SOX6: variants seen among roughly 807,000 people sequenced by gnomAD.
SOX6 encodes the protein SRY-box transcription factor 6, also known as transcription factor SOX-6.
Under a neutral mutation model 97.8 loss-of-function variants are expected in SOX6, and 11 were observed. That is an observed-to-expected ratio of 0.11 (90% confidence interval 0.07 to 0.19). SOX6 has a LOEUF of 0.19. Ranked by LOEUF, SOX6 falls within the 10% of genes least tolerant of loss-of-function variation. The pLI is 1.00. For synonymous variants in SOX6, 360 were observed against 371.4 expected (o/e 0.97, Z 0.35); for missense variants, 810 against 1,039.5 (o/e 0.78, Z 3.04).
chr11:16,407,222 A>C (rs1858705046), intron 1 of SOX6, among the ~76,000 whole-genome samples: 1 of 152,242 alleles, frequency 6.6e-6, no homozygotes, highest in Non-Finnish European at 1.5e-5. Context: ...ACAGTATTTC[A>C]CACCCCTTTA....
At chr11:16,067,897 A>G (rs574799364) in intron 9 of SOX6, among the ~76,000 whole-genome samples, 1 of 152,314 alleles carries the variant, frequency 6.6e-6, no homozygotes, top group South Asian at 2.1e-4. Flanking sequence ...GGAAGAAAAA[A>G]AATTACTATT....
chr11:16,226,356 T>C (rs552097154), intron 4 of SOX6, among the ~76,000 whole-genome samples: 2 of 151,174 alleles, frequency 1.3e-5, no homozygotes, highest in Non-Finnish European at 2.9e-5. Flanking sequence ...TTCTCTCTTA[T>C]CTTCTGTGTG....
intron 4 of SOX6, among the ~76,000 whole-genome samples, chr11:16,499,605 C>T (rs1860666644): frequency 6.6e-6 from 1 of 152,000 alleles, no homozygotes; most frequent in South Asian, 2.1e-4. Flanking sequence ...CAAATAGACG[C>T]AATAAAAAAC....
In SOX6 at chr11:15,989,167, C is replaced by A. The variant is rs765032831; in HGVS notation, c.1796G>T (p.Gly599Val). The A allele has an allele frequency of 3.1e-6, 5 of 1,614,114 alleles. No individual in the cohort carries two copies. Residue 599 changes from glycine to valine, a missense_variant, in exon 14 of 16, where the codon GGT becomes GTT. By Grantham distance (109) the Gly-to-Val change is moderately radical. Transcript: ENST00000683767. ...GACTCGTGCTTCAGCCACAGTGGCA[C>A]CTCCTGTTGGCCAACAATAATACTG... ...LQQYYCWPTG[G>V]ATVAEARVYR...
intron 12 of SOX6, among the ~76,000 whole-genome samples, chr11:16,026,746 C>T (rs1215798693): frequency 6.6e-6 from 1 of 151,970 alleles, no homozygotes; most frequent in East Asian, 1.9e-4. Context: ...ACAAAAATAA[C>T]CCAGGACTAT....
intron 4 of SOX6, among the ~76,000 whole-genome samples, chr11:16,193,347 G>T (rs1323440798): frequency 6.6e-6 from 1 of 151,952 alleles, no homozygotes; most frequent in African/African-American, 2.4e-5. Context: ...ACCCCAGTCT[G>T]GGCGACAGGG....
chr11:16,242,865 T>A (rs1238131773), intron 3 of SOX6, among the ~76,000 whole-genome samples: 1 of 151,940 alleles, frequency 6.6e-6, no homozygotes, highest in African/African-American at 2.4e-5. Flanking sequence ...CTCAATTTGG[T>A]TTTAAGGACC....
intron 3 of SOX6, among the ~76,000 whole-genome samples, chr11:16,309,167 A>C (rs1855524924): frequency 6.6e-6 from 1 of 152,246 alleles, no homozygotes; most frequent in South Asian, 2.1e-4. Context: ...CTCCTGGGGA[A>C]ATGCCCTAGA....
intron 3 of SOX6, among the ~76,000 whole-genome samples, chr11:16,620,826 C>T (rs1156492000): frequency 6.6e-6 from 1 of 152,096 alleles, no homozygotes; most frequent in African/African-American, 2.4e-5. Context: ...ACAGGGCCTG[C>T]TCTTTTTTAA....
intron 6 of SOX6, among the ~76,000 whole-genome samples, chr11:16,166,956 A>T (rs1186619311): frequency 6.6e-6 from 1 of 152,168 alleles, no homozygotes. Context: ...GAGGGCCATG[A>T]ACATTAGGCT....
chr11:16,451,737 C>A (rs1859719177), intron 1 of SOX6, among the ~76,000 whole-genome samples: 1 of 152,034 alleles, frequency 6.6e-6, no homozygotes, highest in South Asian at 2.1e-4. Flanking sequence ...TGAAGTAGTC[C>A]ATTAAAGAAG....
At chr11:16,057,206 T>C (rs1847836913) in intron 9 of SOX6, among the ~76,000 whole-genome samples, 1 of 152,162 alleles carries the variant, frequency 6.6e-6, no homozygotes, top group South Asian at 2.1e-4. Context: ...CTTTCCTACA[T>C]TGAACCCCAC....
At chr11:16,538,728 A>C (rs982013515) in intron 4 of SOX6, among the ~76,000 whole-genome samples, 67 of 152,256 alleles carry the variant, frequency 4.4e-4, no homozygotes, top group African/African-American at 1.4e-3. Context: ...GAGACAAAGA[A>C]GACCATTACA....
intron 3 of SOX6, among the ~76,000 whole-genome samples, chr11:16,666,010 C>G (rs1847804622): frequency 6.6e-6 from 1 of 152,188 alleles, no homozygotes; most frequent in Admixed American, 6.5e-5. Context: ...AATGCAGATA[C>G]AGATGCAGTG....
chr11:16,738,243 G>GT (rs1222524894), intron 1 of SOX6, among the ~76,000 whole-genome samples: 1 of 152,022 alleles, frequency 6.6e-6, no homozygotes, highest in East Asian at 1.9e-4. Flanking sequence ...GCCATTTTTG[G>GT]TTAAGGTTTT....
At chr11:16,734,268 T>C (rs1254908092) in intron 2 of SOX6, among the ~76,000 whole-genome samples, 1 of 152,184 alleles carries the variant, frequency 6.6e-6, no homozygotes, top group Admixed American at 6.5e-5. Flanking sequence ...ACCACAAATA[T>C]GTATTTATTT....
intron 13 of SOX6, among the ~76,000 whole-genome samples, chr11:15,996,286 G>C (rs1265507040): frequency 1.3e-5 from 2 of 152,060 alleles, no homozygotes; most frequent in Non-Finnish European, 2.9e-5. Context: ...TAACTGTAAG[G>C]ATACTCAATT....
intron 6 of SOX6, among the ~76,000 whole-genome samples, chr11:16,135,872 A>G (rs576648262): frequency 3.8e-4 from 58 of 152,318 alleles, no homozygotes; most frequent in African/African-American, 1.4e-3. Flanking sequence ...CTTTCGTGAA[A>G]GAGTCAATTG....
chr11:16,207,909 A>G (rs1590029166), intron 4 of SOX6, among the ~76,000 whole-genome samples: 1 of 152,284 alleles, frequency 6.6e-6, no homozygotes, highest in Non-Finnish European at 1.5e-5. Context: ...AATTTTATTT[A>G]TTCTTTATAT....
Sources: gnomAD v4.1 joint callset for allele counts (sites outside exome capture counted in the v4.1 genomes callset) on GRCh38, gnomAD v4.1.1 for gene constraint, MANE v1.5 for transcripts, NCBI Gene and HGNC (gene_info 2026-07-23, HGNC 2026-07-21) for gene names.